Variants in MAST4 observed in about 807,000 individuals in gnomAD.
MAST4 encodes microtubule associated serine/threonine kinase family member 4.
MAST4 carries 89 observed loss-of-function variants against 162.7 expected under a neutral mutation model. The observed-to-expected ratio is 0.55, with a 90% CI of 0.46 to 0.65. The LOEUF (loss-of-function observed/expected upper bound fraction) is 0.65. MAST4 is among the 30% of genes least tolerant of loss of function. The pLI is 0.00. For missense variants in MAST4, 3,153 were observed against 3,374.0 expected, an observed-to-expected ratio of 0.93 and a Z score of 1.62; for synonymous variants, 1,479 against 1,361.1, an observed-to-expected ratio of 1.09 and a Z score of -1.91.
At chr5:67,008,416 C>T (rs778574929) in intron 4 of MAST4, among the ~76,000 whole-genome samples, 3 of 152,148 alleles carry the variant, frequency 2.0e-5, no homozygotes, top group Admixed American at 6.6e-5. Flanking sequence ...TTGGGGGAAA[C>T]GAATCAAGCT....
intron 1 of MAST4, among the ~76,000 whole-genome samples, chr5:66,707,599 T>C (rs1292134196): frequency 6.6e-6 from 1 of 152,206 alleles, no homozygotes; most frequent in Non-Finnish European, 1.5e-5. Flanking sequence ...CTTCCATGCC[T>C]GGCTGTCCTA....
chr5:67,091,919 A>G (rs1347395965), intron 6 of MAST4, among the ~76,000 whole-genome samples: 2 of 152,160 alleles, frequency 1.3e-5, no homozygotes, highest in South Asian at 2.1e-4. Context: ...CTCCCTCCAC[A>G]CTCTTCAAAA....
intron 1 of MAST4, among the ~76,000 whole-genome samples, chr5:66,688,008 T>C (rs1399734029): frequency 1.3e-5 from 2 of 152,224 alleles, no homozygotes; most frequent in East Asian, 3.8e-4. Flanking sequence ...TGGACTCTCC[T>C]TATGTCTAAA....
At chr5:66,883,295 C>T (rs2149913876) in intron 3 of MAST4, among the ~76,000 whole-genome samples, 1 of 152,140 alleles carries the variant, frequency 6.6e-6, no homozygotes, top group East Asian at 1.9e-4. Context: ...TTATTTACGT[C>T]CTATGTGGAA....
intron 27 of MAST4, among the ~76,000 whole-genome samples, chr5:67,161,514 T>A (rs1290363820): frequency 4.6e-5 from 7 of 152,214 alleles, no homozygotes; most frequent in Admixed American, 4.6e-4. Context: ...TATAAGAGCT[T>A]AATTATCATC....
chr5:66,740,321 G>A (rs1752414699), intron 1 of MAST4, among the ~76,000 whole-genome samples: 1 of 152,208 alleles, frequency 6.6e-6, no homozygotes, highest in African/African-American at 2.4e-5. Context: ...GCTGATGATT[G>A]ATCTTGAGGA....
In MAST4 at chr5:67,149,373, C is replaced by CT; in HGVS notation, c.3095-14dup. On this transcript the variant is annotated splice_polypyrimidine_tract_variant and intron_variant, in intron 23 of 28. Transcript: ENST00000403625. ...TGGATTTTCCTGAATGTGTTTATCC[C>CT]TTCTTCTTTGTACAGTTGGCAGTTT... 6.2e-7 allele frequency: 1 copy of CT among 1,606,770 alleles called. No individual in the cohort carries two copies. The highest frequency in any genetic ancestry group is 8.5e-7 in the Non-Finnish European group (1 of 1,176,504).
At chr5:67,080,636 A>C (rs556140417) in intron 5 of MAST4, among the ~76,000 whole-genome samples, 1 of 152,276 alleles carries the variant, frequency 6.6e-6, no homozygotes, top group Admixed American at 6.5e-5. Context: ...TTATGCAAGA[A>C]GGAATGATAA....
chr5:66,931,386 A>G (rs1482702737), intron 4 of MAST4, among the ~76,000 whole-genome samples: 5 of 152,034 alleles, frequency 3.3e-5, no homozygotes, highest in Non-Finnish European at 7.4e-5. Context: ...GTTGCTTATC[A>G]GGAACCTAAT....
chr5:66,743,080 C>T (rs1752562143), intron 1 of MAST4, among the ~76,000 whole-genome samples: 1 of 152,182 alleles, frequency 6.6e-6, no homozygotes, highest in Non-Finnish European at 1.5e-5. Context: ...CACCAGCTTC[C>T]TTCCTTTTGG....
intron 1 of MAST4, among the ~76,000 whole-genome samples, chr5:66,744,227 G>A (rs1752626334): frequency 6.6e-6 from 1 of 152,048 alleles, no homozygotes; most frequent in Admixed American, 6.5e-5. Flanking sequence ...GTGTCTTTCT[G>A]AATGATTTCC....
At chr5:67,095,750 G>T in intron 7 of MAST4, 75 bp downstream of exon 7, 2 of 1,124,916 alleles carry the variant, frequency 1.8e-6, no homozygotes, top group Non-Finnish European at 1.2e-6. Flanking sequence ...TGTTTTCTCT[G>T]GGTGTTTCCT....
intron 5 of MAST4, among the ~76,000 whole-genome samples, chr5:67,056,749 T>G (rs1758874127): frequency 6.6e-6 from 1 of 152,182 alleles, no homozygotes; most frequent in Admixed American, 6.5e-5. Context: ...CAGGCTGGAG[T>G]GCAGAGGCAC....
intron 1 of MAST4, among the ~76,000 whole-genome samples, chr5:66,652,572 T>C (rs567957716): frequency 4.4e-4 from 67 of 152,316 alleles, no homozygotes; most frequent in African/African-American, 1.6e-3. Flanking sequence ...AAAAACAATT[T>C]ATCTATCTAC....
chr5:66,660,104 C>T (rs766825244), intron 1 of MAST4, among the ~76,000 whole-genome samples: 1 of 152,142 alleles, frequency 6.6e-6, no homozygotes, highest in African/African-American at 2.4e-5. Flanking sequence ...GTGCTACATG[C>T]GTGGCTGGCC....
intron 4 of MAST4, among the ~76,000 whole-genome samples, chr5:67,022,857 T>G (rs1754154162): frequency 6.6e-6 from 1 of 151,448 alleles, no homozygotes; most frequent in Non-Finnish European, 1.5e-5. Context: ...CTCCATGCTG[T>G]GACCTTGAGC....
intron 6 of MAST4, chr5:67,094,072 CT>C: frequency 1.3e-6 from 1 of 773,252 alleles, no homozygotes; most frequent in Non-Finnish European, 2.0e-6. Context: ...ATCTCAATTT[CT>C]TTTATCTGGT....
At position 67,163,655 on chromosome 5, in the gene MAST4, C is replaced by A. The variant is rs115836461; in HGVS notation, c.4476C>A (p.Asn1492Lys). 1 of 1,607,788 alleles carries A rather than the reference C, an allele frequency of 6.2e-7. No individual in the cohort carries two copies. Among genetic ancestry groups the A allele is most frequent in the African/African-American group, 1.3e-5 (1 of 74,858 alleles). Reference protein sequence around the residue: ...REAPLQSLDENVCDVPPLSRA... With the variant: ...REAPLQSLDEKVCDVPPLSRA... Reference sequence around the variant, plus strand: ...CGCCGCTGCAGAGCCTGGATGAGAACGTGTGCGACGTGCCGCCGCTCAGCC... The same window carrying A: ...CGCCGCTGCAGAGCCTGGATGAGAAAGTGTGCGACGTGCCGCCGCTCAGCC... Residue 1492 changes from asparagine to lysine, a missense_variant, in exon 29 of 29, where the codon AAC becomes AAA. This residue lies in a region of MAST4 where 1,644 missense variants were observed against 1,495.0 expected (regional missense o/e 1.10). Coordinates refer to ENST00000403625, the MANE Select transcript of MAST4 (RefSeq NM_001164664.2). The surrounding 1 kb of genome is among the most constrained non-coding windows in gnomAD (Gnocchi z 7.0).
chr5:66,919,104 A>G (rs911507333), intron 4 of MAST4, among the ~76,000 whole-genome samples: 1 of 136,564 alleles, frequency 7.3e-6, no homozygotes, highest in Non-Finnish European at 1.6e-5. Context: ...CTCTCAACAC[A>G]CACACACACA....
Sources: allele counts gnomAD v4.1 joint callset (sites outside exome capture counted in the v4.1 genomes callset), GRCh38; gene constraint gnomAD v4.1.1; regional missense constraint gnomAD v4.1.1; non-coding constraint Gnocchi (gnomAD v3.1); transcripts MANE v1.5; gene names NCBI Gene and HGNC (gene_info 2026-07-23, HGNC 2026-07-21).